The following LDLRAD3 variants were observed in gnomAD, a reference collection of about 807,000 sequenced individuals.
LDLRAD3 encodes the protein low density lipoprotein receptor class A domain containing 3, also known as low-density lipoprotein receptor class A domain-containing protein 3.
A neutral mutation model predicts 29.4 loss-of-function variants in LDLRAD3; 20 were observed. The ratio of observed to expected loss-of-function variants is 0.68; its 90% CI spans 0.48 to 0.99. LDLRAD3 has a LOEUF of 0.99. Among genes scored for constraint, LDLRAD3 ranks in the 50% least tolerant of loss-of-function variants. The pLI, the probability that LDLRAD3 is intolerant of heterozygous loss-of-function variation, is 0.00. For missense variants in LDLRAD3, 420 were observed against 454.3 expected, an observed-to-expected ratio of 0.92 and a Z score of 0.69; for synonymous variants, 157 against 192.7, an observed-to-expected ratio of 0.81 and a Z score of 1.53.
intron 4 of LDLRAD3, among the ~76,000 whole-genome samples, chr11:36,106,073 G>A (rs1853524892): frequency 6.6e-6 from 1 of 152,180 alleles, no homozygotes; most frequent in Non-Finnish European, 1.5e-5. Context: ...AATCCCCTTG[G>A]CAGGGAGAGC....
At chr11:36,146,283 A>G (rs1002389151) in intron 4 of LDLRAD3, among the ~76,000 whole-genome samples, 7 of 152,252 alleles carry the variant, frequency 4.6e-5, no homozygotes, top group Non-Finnish European at 8.8e-5. Context: ...GAACTGCTAC[A>G]TGGCAGCAAG....
At chr11:36,003,276 G>A (rs964553587) in intron 1 of LDLRAD3, among the ~76,000 whole-genome samples, 12 of 152,314 alleles carry the variant, frequency 7.9e-5, no homozygotes, top group Admixed American at 7.2e-4. Flanking sequence ...GAAGCTGCCA[G>A]GTTCTGTTCT....
intron 4 of LDLRAD3, among the ~76,000 whole-genome samples, chr11:36,195,310 A>C (rs992750136): frequency 6.6e-6 from 1 of 151,846 alleles, no homozygotes; most frequent in Admixed American, 6.6e-5. Flanking sequence ...GAAGCATCGT[A>C]CTATGTTGGC....
chr11:35,983,594 T>C (rs1029405680), intron 1 of LDLRAD3, among the ~76,000 whole-genome samples: 2 of 152,100 alleles, frequency 1.3e-5, no homozygotes, highest in African/African-American at 4.8e-5. Context: ...TCTGACCTTA[T>C]TTGGAAAAAG....
chr11:36,209,552 G>T (rs1302017828), intron 4 of LDLRAD3, among the ~76,000 whole-genome samples: 4 of 151,866 alleles, frequency 2.6e-5, no homozygotes, highest in African/African-American at 9.7e-5. Flanking sequence ...TAGAGACAGG[G>T]TTTCACCATG....
intron 2 of LDLRAD3, among the ~76,000 whole-genome samples, chr11:36,070,003 G>A (rs1852870801): frequency 6.6e-6 from 1 of 152,182 alleles, no homozygotes. Context: ...TCTGATGCCA[G>A]CCTCGTTCCT....
chr11:36,196,729 G>A (rs545114271), intron 4 of LDLRAD3: 1 of 152,340 alleles, frequency 6.6e-6, no homozygotes, highest in East Asian at 1.9e-4. Context: ...GGGCTCTTCA[G>A]CTCTGCATAC....
intron 1 of LDLRAD3, among the ~76,000 whole-genome samples, chr11:35,973,758 A>G (rs367916387): frequency 5.7e-4 from 86 of 152,184 alleles, no homozygotes; most frequent in African/African-American, 2.0e-3. Flanking sequence ...GGCGTGAGTC[A>G]CCGTGCCCAA....
At chr11:35,997,339 A>C (rs1851767742) in intron 1 of LDLRAD3, 5 of 459,372 alleles carry the variant, frequency 1.1e-5, no homozygotes, top group South Asian at 6.8e-5. Context: ...ACATCTGTGA[A>C]GCAATGTTGA....
At chr11:35,974,865 T>C (rs1304905567) in intron 1 of LDLRAD3, among the ~76,000 whole-genome samples, 2 of 152,270 alleles carry the variant, frequency 1.3e-5, no homozygotes, top group African/African-American at 4.8e-5. Flanking sequence ...GTGAAGACCA[T>C]GGTGGGGCCT....
At chr11:36,011,878 CAG>C (rs1005214953) in intron 1 of LDLRAD3, among the ~76,000 whole-genome samples, 1 of 152,194 alleles carries the variant, frequency 6.6e-6, no homozygotes, top group Admixed American at 6.5e-5. Flanking sequence ...TCCACGAATG[CAG>C]GCATCACGTC....
chr11:36,197,648 T>C (rs1855054147), intron 4 of LDLRAD3: 1 of 152,280 alleles, frequency 6.6e-6, no homozygotes, highest in Admixed American at 6.5e-5. Context: ...TTTACTATTA[T>C]TAGGTGCTGG....
intron 1 of LDLRAD3, among the ~76,000 whole-genome samples, chr11:36,027,750 G>A (rs1352810664): frequency 2.6e-5 from 4 of 152,246 alleles, no homozygotes. Context: ...AAGGGGCTGG[G>A]CTGAACTTGA....
intron 4 of LDLRAD3, among the ~76,000 whole-genome samples, chr11:36,123,029 A>G (rs1343792350): frequency 6.6e-6 from 1 of 152,100 alleles, no homozygotes; most frequent in African/African-American, 2.4e-5. Flanking sequence ...AACAACAAAA[A>G]TTTAAAAATC....
At chr11:36,086,219 C>T (rs1332362185) in intron 3 of LDLRAD3, among the ~76,000 whole-genome samples, 2 of 152,194 alleles carry the variant, frequency 1.3e-5, no homozygotes. Context: ...AAATCTTCAT[C>T]ATATAACTTC....
intron 4 of LDLRAD3, among the ~76,000 whole-genome samples, chr11:36,201,067 C>T (rs1011594224): frequency 6.6e-6 from 1 of 152,042 alleles, no homozygotes; most frequent in African/African-American, 2.4e-5. Flanking sequence ...TTCTTGCATG[C>T]CAGATTGCAG....
At chr11:36,113,229 C>T (rs1004540109) in intron 4 of LDLRAD3, among the ~76,000 whole-genome samples, 3 of 146,232 alleles carry the variant, frequency 2.1e-5, no homozygotes. Context: ...AAAGAGATCC[C>T]ATCGTGAAGT....
At chr11:36,138,838 T>C (rs1854038862) in intron 4 of LDLRAD3, among the ~76,000 whole-genome samples, 1 of 152,210 alleles carries the variant, frequency 6.6e-6, no homozygotes, top group Admixed American at 6.5e-5. Flanking sequence ...CCTTCTCTGA[T>C]TCTGTGAGTC....
intron 1 of LDLRAD3, among the ~76,000 whole-genome samples, chr11:36,018,275 T>C (rs894312757): frequency 1.8e-4 from 27 of 152,226 alleles, no homozygotes; most frequent in African/African-American, 6.3e-4. Flanking sequence ...TTGTTCTTGC[T>C]TCAGTTTTAG....
Sources: gnomAD v4.1 joint callset for allele counts (sites outside exome capture counted in the v4.1 genomes callset) on GRCh38, gnomAD v4.1.1 for gene constraint, MANE v1.5 for transcripts, NCBI Gene and HGNC (gene_info 2026-07-23, HGNC 2026-07-21) for gene names.